GLT1D1: variants seen among roughly 807,000 people sequenced by gnomAD.
The protein encoded by GLT1D1 is glycosyltransferase 1 domain-containing protein 1.
Under a neutral mutation model 28.7 loss-of-function variants are expected in GLT1D1, and 21 were observed. The observed-to-expected ratio is 0.73, with a 90% CI of 0.52 to 1.05. The LOEUF is 1.05. GLT1D1 is among the 50% of genes least tolerant of loss of function. The pLI, the probability that GLT1D1 is intolerant of heterozygous loss-of-function variation, is 0.00. For synonymous variants in GLT1D1, 147 were observed against 124.8 expected (o/e 1.18, Z -1.19); for missense variants, 343 against 330.6 (o/e 1.04, Z -0.29).
chr12:128,872,526 G>A (rs1956723356), intron 1 of GLT1D1, among the ~76,000 whole-genome samples: 2 of 152,126 alleles, frequency 1.3e-5, no homozygotes, highest in South Asian at 4.1e-4. Flanking sequence ...GCTGTGGGAG[G>A]GTGGTTGGAG....
intron 1 of GLT1D1, among the ~76,000 whole-genome samples, chr12:128,862,470 ACATGGTGAAACC>A (rs1440017248): frequency 6.6e-6 from 1 of 152,118 alleles, no homozygotes; most frequent in East Asian, 1.9e-4. Context: ...AGCCTGGGCT[ACATGGTGAAACC>A]CCATCTCTAC....
intron 4 of GLT1D1, among the ~76,000 whole-genome samples, chr12:128,901,251 C>G (rs1421562123): frequency 6.6e-6 from 1 of 152,118 alleles, no homozygotes. Context: ...ATACAAATTA[C>G]TAGCTTTTCA....
At chr12:128,952,436 G>T (rs1472486103) in intron 6 of GLT1D1, among the ~76,000 whole-genome samples, 1 of 36,810 alleles carries the variant, frequency 2.7e-5, no homozygotes, top group African/African-American at 6.8e-5. Context: ...GGTGGGGGTG[G>T]GGGGGGGTGG....
chr12:128,900,825 G>A (rs1217106107), intron 4 of GLT1D1, among the ~76,000 whole-genome samples: 1 of 152,032 alleles, frequency 6.6e-6, no homozygotes, highest in African/African-American at 2.4e-5. Flanking sequence ...TAGTAGGGAC[G>A]TGGTTTCACC....
At chr12:128,881,546 AAAAAAAAAAAAAAAAATAT>A (rs1566098967) in intron 2 of GLT1D1, among the ~76,000 whole-genome samples, 1 of 77,938 alleles carries the variant, frequency 1.3e-5, no homozygotes, top group African/African-American at 5.6e-5. Flanking sequence ...AAAAAAAAAA[AAAAAAAAAAAAAAAAATAT>A]ATATATATAT....
At chr12:128,975,448 T>G (rs1593217015) in intron 7 of GLT1D1, among the ~76,000 whole-genome samples, 1 of 107,474 alleles carries the variant, frequency 9.3e-6, no homozygotes, top group South Asian at 2.8e-4. Flanking sequence ...GCTGTTTTTT[T>G]GTTTTTTATT....
At chr12:128,858,724 C>T (rs1042102701) in intron 1 of GLT1D1, among the ~76,000 whole-genome samples, 1 of 151,928 alleles carries the variant, frequency 6.6e-6, no homozygotes, top group Admixed American at 6.6e-5. Flanking sequence ...CTTCCATGCC[C>T]TCCCAATCCT....
At chr12:128,937,318 G>C (rs10847721) in intron 4 of GLT1D1, among the ~76,000 whole-genome samples, 25,882 of 152,170 alleles carry the variant, frequency 0.17, 2,677 homozygotes, top group Non-Finnish European at 0.24. Flanking sequence ...GGGTCTGCTG[G>C]AAATCATTCT....
chr12:128,864,211 C>A, intron 1 of GLT1D1: 1 of 646,296 alleles, frequency 1.5e-6, no homozygotes. Flanking sequence ...GCAGTTGCAA[C>A]CCACGGGCAC....
At chr12:128,955,157 T>C (rs990127474) in intron 6 of GLT1D1, among the ~76,000 whole-genome samples, 1 of 152,180 alleles carries the variant, frequency 6.6e-6, no homozygotes, top group Admixed American at 6.5e-5. Flanking sequence ...GTTTCAGAGC[T>C]TCCCTTACAA....
intron 4 of GLT1D1, 125 bp downstream of exon 6, chr12:128,915,114 C>T (rs1593125867): frequency 1.4e-6 from 1 of 704,870 alleles, no homozygotes; most frequent in Admixed American, 2.7e-5. Context: ...TCATTTCCCT[C>T]TGTCTGCGGC....
chr12:128,874,146 CT>C (rs1956812464), intron 1 of GLT1D1, among the ~76,000 whole-genome samples: 1 of 116,080 alleles, frequency 8.6e-6, no homozygotes, highest in African/African-American at 3.3e-5. Flanking sequence ...TTCTTTCTTT[CT>C]TTCTTTCTTT....
At chr12:128,962,489 A>G (rs1878066366) in intron 7 of GLT1D1, among the ~76,000 whole-genome samples, 1 of 152,148 alleles carries the variant, frequency 6.6e-6, no homozygotes, top group African/African-American at 2.4e-5. Context: ...AGGGAGTAGA[A>G]CACAGTGTGG....
chr12:128,874,130 CTTTCTTTCTTTCTT>C (rs1566091558), intron 1 of GLT1D1, among the ~76,000 whole-genome samples: 103 of 55,704 alleles, frequency 1.8e-3, no homozygotes, highest in African/African-American at 2.7e-3. Context: ...CTCTCTCTTT[CTTTCTTTCTTTCTT>C]TCTTTCTTTC....
At chr12:128,904,209 C>A (rs1047686781) in intron 4 of GLT1D1, among the ~76,000 whole-genome samples, 13 of 151,744 alleles carry the variant, frequency 8.6e-5, no homozygotes, top group Admixed American at 2.0e-4. Flanking sequence ...AGAATAATTT[C>A]AAAAATTACC....
intron 4 of GLT1D1, chr12:128,944,687 A>G: frequency 1.4e-6 from 1 of 695,504 alleles, no homozygotes. Context: ...AAACTATCCA[A>G]CAGCTAGACT....
At chr12:128,899,324 T>C (rs1380610441) in intron 4 of GLT1D1, 37 bp downstream of exon 4, 3 of 1,575,444 alleles carry the variant, frequency 1.9e-6, no homozygotes, top group Non-Finnish European at 2.6e-6. Context: ...TTGGTTGTGC[T>C]GATGAAATTG....
intron 4 of GLT1D1, among the ~76,000 whole-genome samples, chr12:128,940,449 C>T (rs901704617): frequency 1.4e-4 from 22 of 152,246 alleles, no homozygotes; most frequent in African/African-American, 4.3e-4. Context: ...CAGAGAGGTC[C>T]GTTAATGTGC....
intron 1 of GLT1D1, among the ~76,000 whole-genome samples, chr12:128,866,946 A>G (rs1384699341): frequency 6.6e-6 from 1 of 151,410 alleles, no homozygotes; most frequent in East Asian, 2.0e-4. Flanking sequence ...CTTTAGCGGG[A>G]ACTCCCCTGC....
Sources: allele counts gnomAD v4.1 joint callset (sites outside exome capture counted in the v4.1 genomes callset), GRCh38; gene constraint gnomAD v4.1.1; transcripts MANE v1.5; gene names NCBI Gene and HGNC (gene_info 2026-07-23, HGNC 2026-07-21).